CHRNA5: variants seen among roughly 807,000 people sequenced by gnomAD.
CHRNA5 encodes the protein neuronal acetylcholine receptor subunit alpha-5.
In CHRNA5, 28 loss-of-function variants were observed where a neutral mutation model predicts 41.2. That is an observed-to-expected ratio of 0.68 (90% CI 0.50 to 0.93). The LOEUF is 0.93. CHRNA5 is among the 40% of genes least tolerant of loss of function. CHRNA5 has a pLI of 0.00. For synonymous variants in CHRNA5, 188 were observed against 205.8 expected (o/e 0.91, Z 0.74); for missense variants, 481 against 581.9 (o/e 0.83, Z 1.78).
At chr15:78,584,343 A>C (rs1449132174) in intron 2 of CHRNA5, among the ~76,000 whole-genome samples, 1 of 152,160 alleles carries the variant, frequency 6.6e-6, no homozygotes, top group Non-Finnish European at 1.5e-5. Context: ...AAATACGATT[A>C]CCCCTGAAAC....
At chr15:78,570,011 G>A (rs1221069654) in intron 1 of CHRNA5, among the ~76,000 whole-genome samples, 1 of 150,514 alleles carries the variant, frequency 6.6e-6, no homozygotes, top group South Asian at 2.1e-4. Flanking sequence ...GTAGAGATGG[G>A]GTTTCTCCAT....
At chr15:78,580,137 A>T (rs1048546123) in intron 1 of CHRNA5, among the ~76,000 whole-genome samples, 2 of 151,744 alleles carry the variant, frequency 1.3e-5, no homozygotes, top group East Asian at 3.9e-4. Flanking sequence ...AAAATTAGCC[A>T]GGCGTGGTGG....
At chr15:78,572,419 G>A (rs2052814235) in intron 1 of CHRNA5, among the ~76,000 whole-genome samples, 1 of 152,214 alleles carries the variant, frequency 6.6e-6, no homozygotes, top group South Asian at 2.1e-4. Context: ...TGCAGCTTGT[G>A]AAGGAAGACT....
At chr15:78,580,143 G>T (rs1019851195) in intron 1 of CHRNA5, among the ~76,000 whole-genome samples, 3 of 151,666 alleles carry the variant, frequency 2.0e-5, no homozygotes, top group African/African-American at 7.3e-5. Context: ...AGCCAGGCGT[G>T]GTGGTGGATA....
chr15:78,572,789 A>G (rs1003472176), intron 1 of CHRNA5, among the ~76,000 whole-genome samples: 4 of 152,106 alleles, frequency 2.6e-5, no homozygotes, highest in Non-Finnish European at 4.4e-5. Flanking sequence ...GCTGGTATAT[A>G]GTATTGAATG....
intron 2 of CHRNA5, among the ~76,000 whole-genome samples, chr15:78,585,534 G>T (rs2052951235): frequency 6.6e-6 from 1 of 152,060 alleles, no homozygotes; most frequent in South Asian, 2.1e-4. Context: ...TATATTTGCG[G>T]CTGGTGATTA....
In CHRNA5 at chr15:78,588,366, A is replaced by C; in HGVS notation, c.356A>C (p.Lys119Thr). The C allele has an allele frequency of 6.3e-7, 1 of 1,593,068 alleles. No homozygotes were observed. The highest frequency in any genetic ancestry group is 8.6e-7 in the Non-Finnish European group (1 of 1,167,452). ...AACCCTGATGACTATGGTGGAATAA[A>C]AGTTATACGTGTTCCTTCAGACTCT... Residue 119 changes from lysine (K) to threonine (T), a missense_variant, in exon 4 of 6, where the codon AAA becomes ACA. Coordinates refer to ENST00000299565, the Ensembl canonical transcript of CHRNA5. This position sits in a 1 kb window ranked among gnomAD's most constrained non-coding sequence, Gnocchi z 4.1.
At chr15:78,592,731 CAA>C (rs1413377063) in intron 5 of CHRNA5, among the ~76,000 whole-genome samples, 2 of 152,074 alleles carry the variant, frequency 1.3e-5, no homozygotes, top group Admixed American at 6.6e-5. Flanking sequence ...TAGAGTCTCT[CAA>C]AATATTAAAA....
chr15:78,579,529 C>A (rs954213517), intron 1 of CHRNA5, among the ~76,000 whole-genome samples: 1 of 152,314 alleles, frequency 6.6e-6, no homozygotes, highest in Admixed American at 6.5e-5. Context: ...GCTGGGATTA[C>A]AGACGTGAGC....
intron 1 of CHRNA5, among the ~76,000 whole-genome samples, chr15:78,575,186 A>G (rs2052846387): frequency 6.6e-6 from 1 of 152,142 alleles, no homozygotes; most frequent in South Asian, 2.1e-4. Context: ...TTTAAATGTC[A>G]TTCTCCCAGT....
rs561495351 is a variant in CHRNA5 at position 78,570,523 on chromosome 15, G to A, written c.106+4698G>A. On this transcript the variant is annotated intron_variant, in intron 1 of 5. Transcript: ENST00000299565. ...GGCCTCGAATGATCCGCCCGCCTTGGCTTCGCAAAGTGCTGGGATTACAGG... is the reference window on the plus strand; with the variant it reads ...GGCCTCGAATGATCCGCCCGCCTTGACTTCGCAAAGTGCTGGGATTACAGG... Among the ~76,000 whole-genome samples the A allele has an allele frequency of 1.6e-4, 23 of 147,208 alleles. No homozygotes were observed. The East Asian group carries it at 3.7e-3, about 24-fold the overall frequency.
intron 1 of CHRNA5, among the ~76,000 whole-genome samples, chr15:78,579,549 T>C (rs1380186215): frequency 6.6e-6 from 1 of 152,178 alleles, no homozygotes; most frequent in Non-Finnish European, 1.5e-5. Flanking sequence ...CCACCGCCTA[T>C]TTATTTTTTT....
At chr15:78,572,924 G>C (rs995902258) in intron 1 of CHRNA5, among the ~76,000 whole-genome samples, 6 of 152,186 alleles carry the variant, frequency 3.9e-5, no homozygotes, top group African/African-American at 1.4e-4. Context: ...GAGAGGAGGA[G>C]GGAGAATTCT....
intron 2 of CHRNA5, among the ~76,000 whole-genome samples, chr15:78,585,737 T>G (rs1012417299): frequency 6.6e-6 from 1 of 151,942 alleles, no homozygotes; most frequent in Non-Finnish European, 1.5e-5. Context: ...CTTTATGAAA[T>G]TCGTATTCAA....
At chr15:78,571,386 G>C (rs1310485328) in intron 1 of CHRNA5, among the ~76,000 whole-genome samples, 2 of 151,998 alleles carry the variant, frequency 1.3e-5, no homozygotes, top group Non-Finnish European at 2.9e-5. Context: ...TTCATAACTC[G>C]ACATCTCTAA....
intron 1 of CHRNA5, among the ~76,000 whole-genome samples, chr15:78,570,275 T>A (rs903643662): frequency 6.6e-6 from 1 of 152,002 alleles, no homozygotes; most frequent in African/African-American, 2.4e-5. Flanking sequence ...ATTATTTTTA[T>A]TGAGGCAGAG....
intron 2 of CHRNA5, 100 bp downstream of exon 2, chr15:78,581,062 AT>A (rs2052910013): frequency 1.6e-6 from 2 of 1,234,866 alleles, no homozygotes; most frequent in African/African-American, 3.0e-5. Context: ...TACAAAGGTG[AT>A]TGAAGCAGTC....
At chr15:78,579,293 G>T (rs2052888134) in intron 1 of CHRNA5, among the ~76,000 whole-genome samples, 1 of 151,788 alleles carries the variant, frequency 6.6e-6, no homozygotes, top group South Asian at 2.1e-4. Flanking sequence ...TCGCTCTGTT[G>T]GCCACGCTGG....
chr15:78,594,083 A>G (rs1194274376), exon 6 of CHRNA5: 2 of 152,178 alleles, frequency 1.3e-5, no homozygotes, highest in Non-Finnish European at 2.9e-5. Flanking sequence ...CTGCTTTTCC[A>G]TAACCAACAT....
Sources: allele counts gnomAD v4.1 joint callset (sites outside exome capture counted in the v4.1 genomes callset), GRCh38; gene constraint gnomAD v4.1.1; non-coding constraint Gnocchi (gnomAD v3.1); transcripts MANE v1.5; gene names NCBI Gene and HGNC (gene_info 2026-07-23, HGNC 2026-07-21).